The following MGAT4C variants were observed in gnomAD, a reference collection of about 807,000 sequenced individuals.
MGAT4C encodes MGAT4 family member C, also known as alpha-1,3-mannosyl-glycoprotein 4-beta-N-acetylglucosaminyltransferase C.
Under a neutral mutation model 40.1 loss-of-function variants are expected in MGAT4C, and 19 were observed. The observed-to-expected ratio is 0.47, with a 90% CI of 0.33 to 0.70. The LOEUF (loss-of-function observed/expected upper bound fraction) is 0.70. Ranked by LOEUF, MGAT4C falls within the 30% of genes least tolerant of loss-of-function variation. The probability of loss-of-function intolerance (pLI) is 0.02; values close to 1 mark genes in which losing one functional copy is unlikely to be tolerated. For synonymous variants in MGAT4C, 181 were observed against 187.1 expected, an observed-to-expected ratio of 0.97 and a Z score of 0.27; for missense variants, 491 against 563.2, an observed-to-expected ratio of 0.87 and a Z score of 1.30.
intron 3 of MGAT4C, among the ~76,000 whole-genome samples, chr12:86,411,780 G>A (rs1956610062): frequency 6.6e-6 from 1 of 152,126 alleles, no homozygotes; most frequent in Admixed American, 6.6e-5. Flanking sequence ...TGGGTAAAGG[G>A]CCTCAGAGGT....
rs930913412 is a variant in MGAT4C, at chr12:86,211,459, C to T, written c.-57+44780G>A. Among the ~76,000 whole-genome samples, 28 of 138,696 alleles carry T rather than the reference C, an allele frequency of 2.0e-4. No individual in the cohort carries two copies. The East Asian group carries it at 4.6e-3, about 23-fold the overall frequency. The allele number at this position is 138,696 out of a possible 152,430, so 91.0% of individuals were successfully genotyped here. On this transcript the variant is annotated intron_variant, in intron 1 of 4. Transcript: ENST00000611864. ...AAAATTAGCCGGGCGTGGTGGCGGTCGCCTGTAGTCCCAGCTACTCGGGAG... is the reference window on the plus strand; with the variant it reads ...AAAATTAGCCGGGCGTGGTGGCGGTTGCCTGTAGTCCCAGCTACTCGGGAG...
intron 2 of MGAT4C, among the ~76,000 whole-genome samples, chr12:86,453,510 AG>A (rs1247899991): frequency 6.6e-6 from 1 of 152,094 alleles, no homozygotes; most frequent in Non-Finnish European, 1.5e-5. Flanking sequence ...AGAAGTAGGA[AG>A]GGGGTAATTT....
intron 1 of MGAT4C, among the ~76,000 whole-genome samples, chr12:86,086,780 G>A (rs1481643045): frequency 2.0e-5 from 3 of 151,692 alleles, no homozygotes; most frequent in Non-Finnish European, 4.4e-5. Flanking sequence ...CTATCTAGAC[G>A]TATTTTTGTA....
intron 1 of MGAT4C, among the ~76,000 whole-genome samples, chr12:86,099,469 C>A (rs541855915): frequency 6.6e-6 from 1 of 150,932 alleles, no homozygotes; most frequent in African/African-American, 2.4e-5. Context: ...ATGTGCAGAA[C>A]GTGCAAATTC....
intron 1 of MGAT4C, among the ~76,000 whole-genome samples, chr12:86,207,346 C>T (rs1465444182): frequency 1.3e-5 from 2 of 151,942 alleles, no homozygotes; most frequent in African/African-American, 2.4e-5. Context: ...CATAGGTATA[C>T]ATGTGCCATG....
intron 3 of MGAT4C, among the ~76,000 whole-genome samples, chr12:86,427,275 C>T (rs77428168): frequency 0.01 from 1,564 of 152,098 alleles, 19 homozygotes; most frequent in East Asian, 0.045. Flanking sequence ...TTTGACCATC[C>T]AATTACTGGA....
At chr12:86,830,236 T>A (rs1343298385) in intron 1 of MGAT4C, among the ~76,000 whole-genome samples, 1 of 151,546 alleles carries the variant, frequency 6.6e-6, no homozygotes, top group Non-Finnish European at 1.5e-5. Flanking sequence ...TGTCTATCCA[T>A]CCATCTCTCT....
intron 1 of MGAT4C, among the ~76,000 whole-genome samples, chr12:86,822,074 G>A (rs1216291597): frequency 5.3e-5 from 8 of 151,040 alleles, no homozygotes; most frequent in Non-Finnish European, 5.9e-5. Context: ...GTGTTAAAGT[G>A]TAGAGTTTTA....
chr12:86,525,192 T>A (rs1225687360), intron 2 of MGAT4C, among the ~76,000 whole-genome samples: 1 of 152,212 alleles, frequency 6.6e-6, no homozygotes, highest in Non-Finnish European at 1.5e-5. Flanking sequence ...TCCTCCATGC[T>A]GTTCTCATTA....
At chr12:86,736,697 C>T (rs945964184) in intron 1 of MGAT4C, among the ~76,000 whole-genome samples, 2 of 151,654 alleles carry the variant, frequency 1.3e-5, no homozygotes, top group Non-Finnish European at 3.0e-5. Context: ...GTACTATGTC[C>T]TCTTGCCTCA....
rs1883108239 is a variant in MGAT4C, at chr12:85,961,479, T to TACC, written c.*17809_*17810insGGT. ...TATAATCAAGATAATTATGTATATATATAAAATTATATATGGTATAGTTTC... is the reference window on the plus strand; with the variant it reads ...TATAATCAAGATAATTATGTATATATACCATAAAATTATATATGGTATAGTTTC... On this transcript the variant is annotated 3_prime_UTR_variant, in exon 5 of 5. Coordinates refer to ENST00000611864, the MANE Select transcript of MGAT4C (RefSeq NM_001351288.2). The TACC allele has an allele frequency of 6.6e-6, 1 of 151,692 alleles. No individual in the cohort carries two copies. The highest frequency in any genetic ancestry group is 6.6e-5 in the Admixed American group (1 of 15,210). The allele number at this position is 151,692 out of a possible 1,614,324, so 9.4% of individuals were successfully genotyped here.
chr12:86,794,521 T>A (rs963469841), intron 1 of MGAT4C, among the ~76,000 whole-genome samples: 4 of 151,832 alleles, frequency 2.6e-5, no homozygotes, highest in African/African-American at 9.7e-5. Flanking sequence ...ATATCTAGAA[T>A]ATATTACTAT....
chr12:86,117,226 G>A (rs1878581286), intron 1 of MGAT4C, among the ~76,000 whole-genome samples: 1 of 152,102 alleles, frequency 6.6e-6, no homozygotes, highest in Non-Finnish European at 1.5e-5. Context: ...AATAGCATGG[G>A]CTAAAGAAGA....
At chr12:86,265,043 C>T (rs1566242161) in intron 4 of MGAT4C, among the ~76,000 whole-genome samples, 1 of 152,232 alleles carries the variant, frequency 6.6e-6, no homozygotes, top group Non-Finnish European at 1.5e-5. Flanking sequence ...TGCAGTAAGC[C>T]TGGTCTAGCC....
chr12:85,983,659 T>A lies in MGAT4C; in HGVS notation c.159A>T (p.Lys53Asn). ...GTGTGGATGTTTCCCTTATAAGTTGTTTGTCTCCTTCCTAAATACCAAGAA... is the reference window on the plus strand; with the variant it reads ...GTGTGGATGTTTCCCTTATAAGTTGATTGTCTCCTTCCTAAATACCAAGAA... The part of the protein sequence containing the change: ...IEDSYVLEGD[K>N]QLIRETSTHQ... Residue 53 changes from lysine (K) to asparagine (N), a missense_variant, in exon 4 of 5, where the codon AAA (lysine) becomes AAT (asparagine). By Grantham distance (94) the Lys-to-Asn change is moderately conservative. Transcript: ENST00000611864. 1.3e-6 allele frequency: 2 copies of A among 1,577,168 alleles called. No homozygotes were observed. Among genetic ancestry groups the A allele is most frequent in the Non-Finnish European group, 1.7e-6 (2 of 1,164,322 alleles).
intron 3 of MGAT4C, among the ~76,000 whole-genome samples, chr12:86,434,293 G>A (rs1957097569): frequency 1.3e-5 from 2 of 151,872 alleles, no homozygotes; most frequent in African/African-American, 4.8e-5. Flanking sequence ...AAATGAAAAG[G>A]AAGGGCCATA....
At chr12:86,726,425 C>G (rs1265247998) in intron 2 of MGAT4C, among the ~76,000 whole-genome samples, 5 of 152,048 alleles carry the variant, frequency 3.3e-5, no homozygotes, top group Non-Finnish European at 5.9e-5. Flanking sequence ...ACGATATTAC[C>G]TAATATATTT....
chr12:86,512,887 G>A (rs1277507485), intron 2 of MGAT4C, among the ~76,000 whole-genome samples: 1 of 151,992 alleles, frequency 6.6e-6, no homozygotes. Flanking sequence ...ATACTGTATT[G>A]TATATTTAAA....
rs531417576 is a variant in MGAT4C, at chr12:86,692,963, C to T, written c.-229+34246G>A. Among the ~76,000 whole-genome samples, 3 of 152,242 alleles carry T rather than the reference C, an allele frequency of 2.0e-5. No individual in the cohort carries two copies. The South Asian group carries it at 6.2e-4, about 32-fold the overall frequency. ...GCCCAACAACCGTTTTGAATGATCC[C>T]ATGGACCTTCTGTAACTAGAGTGGC... is the stretch of plus-strand genomic sequence containing the variant. On this transcript the variant is annotated intron_variant, in intron 2 of 7. Transcript: ENST00000548651.
Sources: allele counts gnomAD v4.1 joint callset (sites outside exome capture counted in the v4.1 genomes callset), GRCh38; gene constraint gnomAD v4.1.1; transcripts MANE v1.5; gene names NCBI Gene and HGNC (gene_info 2026-07-23, HGNC 2026-07-21).